ZBTB48: variants seen among roughly 807,000 people sequenced by gnomAD.
ZBTB48 encodes the protein zinc finger and BTB domain containing 48, also known as zinc finger and BTB domain-containing protein 48.
A neutral mutation model predicts 64.5 loss-of-function variants in ZBTB48; 35 were observed. That is an observed-to-expected ratio of 0.54 (90% confidence interval 0.41 to 0.72). The LOEUF (loss-of-function observed/expected upper bound fraction) is 0.72. Among genes scored for constraint, ZBTB48 ranks in the 30% least tolerant of loss-of-function variants. The pLI, the probability that ZBTB48 is intolerant of heterozygous loss-of-function variation, is 0.00. For synonymous variants in ZBTB48, 442 were observed against 356.7 expected, an observed-to-expected ratio of 1.24 and a Z score of -2.70; for missense variants, 828 against 895.3, an observed-to-expected ratio of 0.92 and a Z score of 0.96.
chr1:6,581,464 C>T (rs1640459772), intron 2 of ZBTB48, among the ~76,000 whole-genome samples, 165 bp downstream of exon 2: 1 of 151,972 alleles, frequency 6.6e-6, no homozygotes. Context: ...GAGTTCGAGA[C>T]CAGCCTGGGC....
chr1:6,587,908 A>G, intron 7 of ZBTB48, 152 bp from the exon 8 acceptor site: 4 of 1,200,660 alleles, frequency 3.3e-6, no homozygotes, highest in Non-Finnish European at 4.6e-6. Flanking sequence ...ACTCCTGCTC[A>G]TAGATTGTCC....
rs769199622 is a variant in ZBTB48 at position 6,582,278 on chromosome 1, A to G, written c.911A>G (p.Tyr304Cys). ...PTCHKKFLSK[Y>C]YLKVHNRKHT... ...TGTCATAAAAAGTTCCTCAGCAAAT[A>G]TTATCTAAAAGTCCACAACAGGTAA... The change falls in exon 3 of 11, where the codon TAT becomes TGT. Residue 304 changes from tyrosine (Y) to cysteine (C), a missense_variant. Coordinates refer to ENST00000377674, the MANE Select transcript of ZBTB48 (RefSeq NM_005341.4). 5 of 1,612,092 alleles carry G rather than the reference A, an allele frequency of 3.1e-6. No homozygotes were observed. The African/African-American group carries it at 6.7e-5, about 22-fold the overall frequency.
chr1:6,581,546 C>T (rs1307219654), intron 2 of ZBTB48, among the ~76,000 whole-genome samples: 1 of 151,948 alleles, frequency 6.6e-6, no homozygotes, highest in Non-Finnish European at 1.5e-5. Context: ...CACCTGTAGT[C>T]CTAGCTACTC....
chr1:6,581,228 C>T lies in ZBTB48; in HGVS notation c.619C>T (p.Pro207Ser). The T allele has an allele frequency of 6.2e-7, 1 of 1,613,028 alleles. No individual in the cohort carries two copies. ...LKPCPLEDKK[P>S]EDCKVPPRPL... is the part of the protein sequence containing the mutation. ...GCCTTGTCCCCTTGAGGACAAGAAA[C>T]CCGAGGACTGCAAAGTGCCCCCAAG... Residue 207 changes from proline to serine, a missense_variant, in exon 2 of 11, where the codon CCC becomes TCC. Pro to Ser is a moderately conservative substitution (Grantham distance 74, BLOSUM62 -1). Transcript: ENST00000377674.
In ZBTB48 at chr1:6,584,415, C is replaced by T. The variant is rs1047146695; in HGVS notation, c.933-1504C>T. Among the ~76,000 whole-genome samples the T allele has an allele frequency of 1.3e-5, 2 of 152,264 alleles. No individual in the cohort carries two copies. The highest frequency in any genetic ancestry group is 2.4e-5 in the African/African-American group (1 of 41,554). On this transcript the variant is annotated intron_variant, in intron 3 of 10. Transcript: ENST00000377674. The surrounding 1 kb of genome is among the most constrained non-coding windows in gnomAD (Gnocchi z 4.5). ...GTCCCTGCAAGGCCTGTGGGGATGG[C>T]GGCCCAGTGGCATGCCTTCCAGTCC...
At chr1:6,585,595 A>C in intron 3 of ZBTB48, 1 of 293,106 alleles carries the variant, frequency 3.4e-6, no homozygotes, top group Non-Finnish European at 6.7e-6. Flanking sequence ...AGCTCTGGGA[A>C]GACTGAGTTG....
rs1640369299 is a variant in ZBTB48 at position 6,580,066 on chromosome 1, A to G, written c.-140A>G. ...GTCGGCGGGGTACGCATAGCCGGGC[A>G]CTAGGTTCGTGGGCTGTGGAGGCGA... is the stretch of plus-strand genomic sequence containing the variant. On this transcript the variant is annotated 5_prime_UTR_variant, in exon 1 of 11. Coordinates refer to ENST00000377674, the MANE Select transcript of ZBTB48 (RefSeq NM_005341.4). This position sits in a 1 kb window ranked among gnomAD's most constrained non-coding sequence, Gnocchi z 5.2. 5.2e-6 allele frequency: 1 copy of G among 192,336 alleles called. No homozygotes were observed. Among genetic ancestry groups the G allele is most frequent in the Non-Finnish European group, 1.1e-5 (1 of 91,342 alleles). 11.9% of individuals were successfully genotyped at this position (192,336 alleles called of 1,614,324 possible).
intron 2 of ZBTB48, among the ~76,000 whole-genome samples, chr1:6,581,780 G>A (rs898794919): frequency 6.6e-6 from 1 of 152,218 alleles, no homozygotes; most frequent in Non-Finnish European, 1.5e-5. Context: ...AGCCCCAGCT[G>A]TTCACGGTTG....
Position 6,586,020 on chromosome 1 carries a change from G to T in ZBTB48, c.1034G>T (p.Arg345Leu). The change falls in exon 4 of 11, where the codon CGC becomes CTC. Residue 345 changes from arginine (R) to leucine (L), a missense_variant. Transcript: ENST00000377674. The part of the protein sequence containing the change: ...LEHEARNCMN[R>L]SEQVFTCSVC... ...CATGAAGCCCGGAATTGCATGAACCGCTCGGAACAGGTACTTGGGAGCTGG... is the reference window on the plus strand; with the variant it reads ...CATGAAGCCCGGAATTGCATGAACCTCTCGGAACAGGTACTTGGGAGCTGG... 6 of 1,614,082 alleles carry T rather than the reference G, an allele frequency of 3.7e-6. No individual in the cohort carries two copies. The highest frequency in any genetic ancestry group is 2.7e-5 in the African/African-American group (2 of 75,036).
chr1:6,587,653 C>T (rs1640723887), intron 7 of ZBTB48, 21 bp downstream of exon 7: 9 of 1,611,136 alleles, frequency 5.6e-6, no homozygotes, highest in African/African-American at 1.3e-5. Context: ...CCCGTTCTCT[C>T]TTGGGGCCCA....
At chr1:6,587,095 A>C in intron 5 of ZBTB48, 110 bp from the exon 6 acceptor site, 1 of 1,219,326 alleles carries the variant, frequency 8.2e-7, no homozygotes, top group Non-Finnish European at 1.2e-6. Context: ...GTCCTCCCAG[A>C]ATCATCTCAC....
Position 6,581,131 on chromosome 1 carries a change from G to A in ZBTB48, c.522G>A (p.Arg174=). ...CCAGAGGCAGTCATAGTCCTCAGAG[G>A]CCCCAGCTCCATTCCCCAGCTCAGA... ...QEPRGSHSPQ[R]PQLHSPAQSE... The change falls in exon 2 of 11, where the codon AGG becomes AGA. Residue 174 remains arginine, a synonymous_variant. Coordinates refer to ENST00000377674, the MANE Select transcript of ZBTB48 (RefSeq NM_005341.4). 1 of 1,613,366 alleles carries A rather than the reference G, an allele frequency of 6.2e-7. No individual in the cohort carries two copies. Among genetic ancestry groups the A allele is most frequent in the East Asian group, 2.2e-5 (1 of 44,870 alleles).
In ZBTB48 at chr1:6,586,858, G is replaced by A. The variant is rs760341104; in HGVS notation, c.1137+71G>A. On this transcript the variant is annotated intron_variant, in intron 5 of 10. Coordinates refer to ENST00000377674, the MANE Select transcript of ZBTB48 (RefSeq NM_005341.4). ...ATCCTTCCTGCTGAGCCCTTTACGT[G>A]GGGTGCTGTCAGGCACCTCCCTCAC... 5.9e-6 allele frequency: 9 copies of A among 1,537,222 alleles called. No homozygotes were observed. In the Admixed American group the frequency reaches 7.7e-5, roughly 13 times the overall value.
Position 6,588,785 on chromosome 1 carries a change from C to T in ZBTB48, c.1711C>T (p.Arg571Trp), listed in dbSNP as rs778080495. 11 of 1,614,006 alleles carry T rather than the reference C, an allele frequency of 6.8e-6. No individual in the cohort carries two copies. The highest frequency in any genetic ancestry group is 4.5e-5 in the East Asian group (2 of 44,890). ...GGAGCAACTGCGTGTGCACGTCAGACGGCACAAGGGGGTGAGGAAGTTTGA... is the reference window on the plus strand; with the variant it reads ...GGAGCAACTGCGTGTGCACGTCAGATGGCACAAGGGGGTGAGGAAGTTTGA... ...AVEQLRVHVR[R>W]HKGVRKFECT... Residue 571 changes from arginine to tryptophan, a missense_variant, in exon 10 of 11, where the codon CGG becomes TGG. By Grantham distance (101) the Arg-to-Trp change is moderately radical. Transcript: ENST00000377674.
chr1:6,586,004 C>G lies in ZBTB48; in HGVS notation c.1018C>G (p.Arg340Gly), dbSNP rs777236369. The change falls in exon 4 of 11, where the codon CGG (arginine) becomes GGG (glycine). Residue 340 changes from arginine (R) to glycine (G), a missense_variant. Arg to Gly is a moderately radical substitution (Grantham distance 125). Coordinates refer to ENST00000377674, the MANE Select transcript of ZBTB48 (RefSeq NM_005341.4). ...GGAGAACCTCCTGGAGCATGAAGCC[C>G]GGAATTGCATGAACCGCTCGGAACA... ...RKENLLEHEARNCMNRSEQVF... is the reference protein window; with the variant it reads ...RKENLLEHEAGNCMNRSEQVF... 1 of 1,614,126 alleles carries G rather than the reference C, an allele frequency of 6.2e-7. No homozygotes were observed. Among genetic ancestry groups the G allele is most frequent in the South Asian group, 1.1e-5 (1 of 91,084 alleles).
rs770002528 is a variant in ZBTB48 at position 6,586,686 on chromosome 1, C to T, written c.1045-9C>T. On this transcript the variant is annotated splice_polypyrimidine_tract_variant and intron_variant, in intron 4 of 10. Transcript: ENST00000377674. Reference sequence around the variant, plus strand: ...TGATGCCGGCCCTGCTTGCCCCTCACACTGCCAGGTCTTCACGTGCTCTGT... The same window carrying T: ...TGATGCCGGCCCTGCTTGCCCCTCATACTGCCAGGTCTTCACGTGCTCTGT... 27 of 1,535,092 alleles carry T rather than the reference C, an allele frequency of 1.8e-5. 1 individual carries two copies. The South Asian group carries it at 3.3e-4, about 19-fold the overall frequency.
In ZBTB48 at chr1:6,588,419, A is replaced by G. The variant is rs1640759379; in HGVS notation, c.1658A>G (p.Gln553Arg). The stretch of plus-strand genomic sequence containing the variant: ...CAGGAGGGCCGGCCCCACTTCTGCC[A>G]GATATGCGGCAAGACCTTCAAAGGT... ...RHQEGRPHFCQICGKTFKAVE... is the reference protein window; with the variant it reads ...RHQEGRPHFCRICGKTFKAVE... The change falls in exon 9 of 11, where the codon CAG becomes CGG. Residue 553 changes from glutamine to arginine, a missense_variant. Gln to Arg is a conservative substitution (Grantham distance 43, BLOSUM62 1). Coordinates refer to ENST00000377674, the MANE Select transcript of ZBTB48 (RefSeq NM_005341.4). 6.4e-7 allele frequency: 1 copy of G among 1,558,922 alleles called. No homozygotes were observed. The highest frequency in any genetic ancestry group is 2.3e-5 in the East Asian group (1 of 43,880).
intron 4 of ZBTB48, 157 bp from the exon 5 acceptor site, chr1:6,586,538 C>A: frequency 7.2e-7 from 1 of 1,398,450 alleles, no homozygotes; most frequent in Non-Finnish European, 9.3e-7. Context: ...CAGTGATGGT[C>A]AGGCCAGGCA....
chr1:6,587,019 T>C, intron 5 of ZBTB48, 186 bp from the exon 6 acceptor site: 1 of 853,038 alleles, frequency 1.2e-6, no homozygotes, highest in Non-Finnish European at 2.0e-6. Context: ...AGGACAGGCT[T>C]GGCATCCTCT....
Sources: allele counts gnomAD v4.1 joint callset (sites outside exome capture counted in the v4.1 genomes callset), GRCh38; gene constraint gnomAD v4.1.1; non-coding constraint Gnocchi (gnomAD v3.1); transcripts MANE v1.5; gene names NCBI Gene and HGNC (gene_info 2026-07-23, HGNC 2026-07-21).